Variants in USP42 observed in about 807,000 individuals in gnomAD.
USP42 encodes the protein ubiquitin specific peptidase 42.
USP42 carries 23 observed loss-of-function variants against 113.0 expected under a neutral mutation model. The observed-to-expected ratio is 0.20, with a 90% CI of 0.15 to 0.29. The LOEUF (loss-of-function observed/expected upper bound fraction) is 0.29, where lower values mean the gene tolerates loss of function less well. Ranked by LOEUF, USP42 falls within the 10% of genes least tolerant of loss-of-function variation. The probability of loss-of-function intolerance (pLI) is 1.00; values close to 1 mark genes in which losing one functional copy is unlikely to be tolerated. For synonymous variants in USP42, 933 were observed against 699.0 expected (o/e 1.33, Z -5.28); for missense variants, 2,174 against 1,779.8 (o/e 1.22, Z -3.99).
At chr7:6,096,481 A>C in the USP42 span, among the ~76,000 whole-genome samples, 2 of 151,162 alleles carry the variant, frequency 1.3e-5, 1 homozygote, top group African/African-American at 4.9e-5. Context: ...TGAAGCTATA[A>C]CTTCTCACGG....
At position 6,105,731 on chromosome 7, in the gene USP42, G is replaced by A. The variant is rs116295029; in HGVS notation, c.-10+699G>A. Among the ~76,000 whole-genome samples, 1,505 of 152,256 alleles carry A rather than the reference G, an allele frequency of 9.9e-3. 37 individuals are homozygous for A. Among genetic ancestry groups the A allele is most frequent in the African/African-American group, 0.035 (1,439 of 41,546 alleles). ...GCCTCTCTAGCGTTTTTTATTTTCG[G>A]GGCAGGAAGAGCCAGCTTACCTGGA... On this transcript the variant is annotated intron_variant, in intron 1 of 17. Transcript: ENST00000306177.
Position 6,158,906 on chromosome 7 carries a change from T to G in USP42, c.3944-544T>G, listed in dbSNP as rs1782613408. On this transcript the variant is annotated intron_variant, in intron 16 of 17. Coordinates refer to ENST00000306177, the MANE Select transcript of USP42 (RefSeq NM_032172.3). The surrounding 1 kb of genome is among the most constrained non-coding windows in gnomAD (Gnocchi z 4.2). ...GCGGGAGGGAGGTTGAACGTGATCT[T>G]GTTTGCCTCGTGTCTCGGGTGCTGT... 1.3e-5 allele frequency among the ~76,000 whole-genome samples: 2 copies of G among 151,702 alleles called. No individual in the cohort carries two copies. The highest frequency in any genetic ancestry group is 1.3e-4 in the Admixed American group (2 of 15,238).
In USP42 at chr7:6,140,957, A is replaced by G. The variant is rs190839678; in HGVS notation, c.768A>G (p.Pro256=). ...AGGGCGTTTCAGATACTTTTGATCC[A>G]TATCTTGATATAACATTGGAGATAA... ...NCKGVSDTFD[P]YLDITLEIKA... The change falls in exon 7 of 18, where the codon CCA becomes CCG. Residue 256 remains proline, a synonymous_variant. Coordinates refer to ENST00000306177, the MANE Select transcript of USP42 (RefSeq NM_032172.3). The G allele has an allele frequency of 6.4e-6, 10 of 1,550,642 alleles. No individual in the cohort carries two copies. The African/African-American group carries it at 6.9e-5, about 11-fold the overall frequency.
the USP42 span, among the ~76,000 whole-genome samples, chr7:6,092,024 TTC>T: frequency 4.8e-4 from 52 of 109,382 alleles, no homozygotes; most frequent in African/African-American, 1.4e-3. Context: ...CTTCTTCTTC[TTC>T]TTCTTCTTCT....
At chr7:6,143,633 T>C (rs1781548886) in intron 8 of USP42, among the ~76,000 whole-genome samples, 1 of 152,274 alleles carries the variant, frequency 6.6e-6, no homozygotes, top group African/African-American at 2.4e-5. Context: ...GCCTTTGTTT[T>C]AAATTCCACA....
At chr7:6,129,760 C>T (rs1486892084) in intron 3 of USP42, among the ~76,000 whole-genome samples, 2 of 150,538 alleles carry the variant, frequency 1.3e-5, no homozygotes, top group Non-Finnish European at 2.9e-5. Context: ...ACTTGGGAGG[C>T]TGAGGCAAGA....
chr7:6,129,557 AG>A lies in USP42; in HGVS notation c.443-6282del, dbSNP rs1256000834. Reference sequence around the variant, plus strand: ...GGGTGACAAAGTGAGGCTCTGCCTCAGGAAAAAAAAAAAAAAAAAAGGACGA... The same window carrying A: ...GGGTGACAAAGTGAGGCTCTGCCTCAGAAAAAAAAAAAAAAAAAAGGACGA... On this transcript the variant is annotated intron_variant, in intron 3 of 17. Transcript: ENST00000306177. Among the ~76,000 whole-genome samples the A allele has an allele frequency of 6.2e-3, 773 of 124,954 alleles. 6 individuals are homozygous for A. The highest frequency in any genetic ancestry group is 0.023 in the African/African-American group (742 of 31,804). The allele number at this position is 124,954 out of a possible 152,430, so 82.0% of individuals were successfully genotyped here.
chr7:6,142,221 CTTT>C (rs200372288), intron 7 of USP42, among the ~76,000 whole-genome samples: 1 of 141,588 alleles, frequency 7.1e-6, no homozygotes. Flanking sequence ...TTTCTTTTTT[CTTT>C]TTTTTTTTTT....
intron 1 of USP42, among the ~76,000 whole-genome samples, chr7:6,108,551 G>C (rs1190456635): frequency 6.6e-6 from 1 of 152,096 alleles, no homozygotes; most frequent in African/African-American, 2.4e-5. Flanking sequence ...CGCGATCTCA[G>C]CTCACTGCAA....
At position 6,154,186 on chromosome 7, in the gene USP42, G is replaced by T. The variant is rs760613820; in HGVS notation, c.2632G>T (p.Asp878Tyr). 1.2e-6 allele frequency: 2 copies of T among 1,600,494 alleles called. No homozygotes were observed. The highest frequency in any genetic ancestry group is 1.7e-5 in the Admixed American group (1 of 59,500). Residue 878 changes from aspartate (D) to tyrosine (Y), a missense_variant, in exon 15 of 18, where the codon GAC (aspartate) becomes TAC (tyrosine). Physicochemically the swap from Asp to Tyr is radical, Grantham distance 160. Coordinates refer to ENST00000306177, the MANE Select transcript of USP42 (RefSeq NM_032172.3). ...EQPLLVHPSGDHARDAQDPSQ... is the reference protein window; with the variant it reads ...EQPLLVHPSGYHARDAQDPSQ... ...GCCACTCCTTGTTCACCCCAGCGGG[G>T]ACCACGCCCGGGACGCTCAGGACCC...
At chr7:6,089,155 C>G in the USP42 span, among the ~76,000 whole-genome samples, 1 of 150,736 alleles carries the variant, frequency 6.6e-6, no homozygotes, top group Non-Finnish European at 1.5e-5. Flanking sequence ...CGCCATTCTC[C>G]TGCCTCAGCC....
chr7:6,155,778 G>A (rs555305525), intron 15 of USP42, among the ~76,000 whole-genome samples: 1 of 152,250 alleles, frequency 6.6e-6, no homozygotes, highest in South Asian at 2.1e-4. Flanking sequence ...AAGAGACAGG[G>A]TGTTGCTCTG....
chr7:6,154,736 A>G lies in USP42; in HGVS notation c.3182A>G (p.Tyr1061Cys), dbSNP rs1186676514. The G allele has an allele frequency of 1.3e-6, 2 of 1,580,184 alleles. No homozygotes were observed. The highest frequency in any genetic ancestry group is 2.3e-5 in the South Asian group (2 of 86,168). Residue 1061 changes from tyrosine (Y) to cysteine (C), a missense_variant, in exon 15 of 18, where the codon TAC (tyrosine) becomes TGC (cysteine). By Grantham distance (194) the Tyr-to-Cys change is radical. Coordinates refer to ENST00000306177, the MANE Select transcript of USP42 (RefSeq NM_032172.3). ...PDRPRWDRCR[Y>C]YHDRYALYAA... ...AGGCCGCGCTGGGACAGGTGCCGGT[A>G]CTACCATGACAGGTACGCCCTGTAC...
Position 6,160,914 on chromosome 7 carries a change from C to G in USP42, c.*396C>G, listed in dbSNP as rs1782738687. On this transcript the variant is annotated 3_prime_UTR_variant, in exon 18 of 18. Transcript: ENST00000306177. ...ACCAACCGGGAGACCATGGAATTGT[C>G]AAAAGTACAAACTGACAGTGTGTAT... 6.6e-6 allele frequency: 1 copy of G among 152,560 alleles called. No individual in the cohort carries two copies. 9.5% of individuals were successfully genotyped at this position (152,560 alleles called of 1,614,324 possible).
chr7:6,127,863 A>G (rs1166321998), intron 3 of USP42, among the ~76,000 whole-genome samples: 4 of 152,176 alleles, frequency 2.6e-5, no homozygotes, highest in Non-Finnish European at 2.9e-5. Context: ...CATCTTTACT[A>G]TGTCCCTGAA....
intron 6 of USP42, 132 bp from the exon 7 acceptor site, chr7:6,140,782 T>C (rs1781387588): frequency 1.7e-6 from 1 of 600,406 alleles, no homozygotes; most frequent in African/African-American, 1.9e-5. Context: ...TTTAAAACTT[T>C]TTTTGTTCAA....
At chr7:6,107,396 T>G (rs1430842728) in intron 1 of USP42, among the ~76,000 whole-genome samples, 1 of 151,512 alleles carries the variant, frequency 6.6e-6, no homozygotes, top group Non-Finnish European at 1.5e-5. Context: ...ATTTGGGCTT[T>G]CTTCTTCCTT....
chr7:6,108,669 C>G (rs1466605575), intron 1 of USP42, among the ~76,000 whole-genome samples: 1 of 152,108 alleles, frequency 6.6e-6, no homozygotes, highest in Non-Finnish European at 1.5e-5. Flanking sequence ...TCAGTAGAGA[C>G]AGGGTTTCAC....
At chr7:6,109,984 C>A (rs1199709913) in intron 1 of USP42, among the ~76,000 whole-genome samples, 1 of 151,874 alleles carries the variant, frequency 6.6e-6, no homozygotes, top group Non-Finnish European at 1.5e-5. Flanking sequence ...TACAGGTGTG[C>A]ACCACCATGC....
Sources: allele counts gnomAD v4.1 joint callset (sites outside exome capture counted in the v4.1 genomes callset), GRCh38; gene constraint gnomAD v4.1.1; non-coding constraint Gnocchi (gnomAD v3.1); transcripts MANE v1.5; gene names NCBI Gene and HGNC (gene_info 2026-07-23, HGNC 2026-07-21).